Variants in PCDHA6 observed in about 807,000 individuals in gnomAD.
The protein encoded by PCDHA6 is protocadherin alpha 6, also known as protocadherin alpha-6.
Under a neutral mutation model 60.3 loss-of-function variants are expected in PCDHA6, and 55 were observed. That is an observed-to-expected ratio of 0.91 (90% CI 0.73 to 1.14). The LOEUF (loss-of-function observed/expected upper bound fraction) is 1.14. Among genes scored for constraint, PCDHA6 ranks in the 50% most tolerant of loss-of-function variants. The probability of loss-of-function intolerance (pLI) is 0.00; values close to 1 mark genes in which losing one functional copy is unlikely to be tolerated. For missense variants in PCDHA6, 1,327 were observed against 1,256.5 expected, an observed-to-expected ratio of 1.06 and a Z score of -0.85; for synonymous variants, 652 against 557.9, an observed-to-expected ratio of 1.17 and a Z score of -2.38.
chr5:140,876,829 C>T (rs782699472), intron 1 of PCDHA6: 2 of 1,614,196 alleles, frequency 1.2e-6, no homozygotes, highest in Non-Finnish European at 1.7e-6. Context: ...CGACAATGCG[C>T]CTGCGTTCGC....
chr5:140,836,893 G>A (rs992802936), intron 1 of PCDHA6: 5 of 624,992 alleles, frequency 8.0e-6, no homozygotes, highest in Admixed American at 3.5e-5. Flanking sequence ...TTATTTGGAA[G>A]TACGTTTAAT....
chr5:140,982,827 T>G (rs2097010165), intron 3 of PCDHA6, among the ~76,000 whole-genome samples: 1 of 140,992 alleles, frequency 7.1e-6, no homozygotes, highest in Non-Finnish European at 1.6e-5. Flanking sequence ...TTTTTGGGGT[T>G]TGTTTGTTTG....
chr5:140,857,032 T>C, intron 1 of PCDHA6: 2 of 1,595,838 alleles, frequency 1.3e-6, no homozygotes, highest in Non-Finnish European at 1.7e-6. Context: ...GAAACCCACC[T>C]ATGGTTGGTC....
intron 1 of PCDHA6, among the ~76,000 whole-genome samples, chr5:140,832,325 A>G (rs1771927305): frequency 6.6e-6 from 1 of 152,220 alleles, no homozygotes; most frequent in African/African-American, 2.4e-5. Context: ...AAGGGCCATT[A>G]GAGGACTGAG....
chr5:140,874,953 G>C (rs2055192015), intron 1 of PCDHA6, among the ~76,000 whole-genome samples: 1 of 152,212 alleles, frequency 6.6e-6, no homozygotes, highest in Admixed American at 6.5e-5. Flanking sequence ...GGAATTGTAA[G>C]CTATATAAGG....
At chr5:140,833,865 GA>G (rs1242582364) in intron 1 of PCDHA6, among the ~76,000 whole-genome samples, 1 of 152,098 alleles carries the variant, frequency 6.6e-6, no homozygotes, top group African/African-American at 2.4e-5. Flanking sequence ...ACTGAATCAA[GA>G]ATATGAAGTT....
In PCDHA6 at chr5:140,850,049, C is replaced by A. The variant is rs1354549642; in HGVS notation, c.2394+19564C>A. 3 of 1,596,466 alleles carry A rather than the reference C, an allele frequency of 1.9e-6. 1 individual carries two copies. The highest frequency in any genetic ancestry group is 1.3e-5 in the African/African-American group (1 of 74,464). ...TGCACGCGGAGAGCGGCAAGGTGTA[C>A]GCGCTGCAGCCGTTGGACCACGAGG... On this transcript the variant is annotated intron_variant, in intron 1 of 3. Coordinates refer to ENST00000529310, the MANE Select transcript of PCDHA6 (RefSeq NM_018909.4).
At chr5:141,007,015 A>G (rs1342063703) in intron 3 of PCDHA6, among the ~76,000 whole-genome samples, 1 of 152,210 alleles carries the variant, frequency 6.6e-6, no homozygotes, top group Non-Finnish European at 1.5e-5. Flanking sequence ...TCATCAGCTT[A>G]TTCATATGGT....
rs782379229 is a variant in PCDHA6, at chr5:140,927,578, A to G, written c.2395-51371A>G. ...ATCATTGTGGTGGACACAAATGACAACGCGCCTGTATTTGAGCGCTCCGTA... is the reference window on the plus strand; with the variant it reads ...ATCATTGTGGTGGACACAAATGACAGCGCGCCTGTATTTGAGCGCTCCGTA... On this transcript the variant is annotated intron_variant, in intron 1 of 3. Transcript: ENST00000529310. 1.5e-5 allele frequency: 24 copies of G among 1,614,024 alleles called. No homozygotes were observed. The highest frequency in any genetic ancestry group is 2.0e-5 in the Non-Finnish European group (24 of 1,180,026).
intron 1 of PCDHA6, chr5:140,882,107 A>C: frequency 7.3e-7 from 1 of 1,367,220 alleles, no homozygotes; most frequent in Non-Finnish European, 9.8e-7. Flanking sequence ...TTCCGCGAAG[A>C]AAGCCGCCGT....
chr5:140,966,731 G>T, intron 1 of PCDHA6: 8 of 1,405,136 alleles, frequency 5.7e-6, no homozygotes, highest in Non-Finnish European at 7.4e-6. Context: ...TGCCGCCTCC[G>T]GCCCTGCCCG....
chr5:140,850,804 T>C lies in PCDHA6; in HGVS notation c.2394+20319T>C, dbSNP rs2150498986. ...GAGGGTAAGCAGAAGACCGACCTCA[T>C]GGCCTTCAGCCCGGGCCTTTCTCCT... On this transcript the variant is annotated intron_variant, in intron 1 of 3. Transcript: ENST00000529310. The C allele has an allele frequency of 3.1e-6, 5 of 1,598,410 alleles. No homozygotes were observed. The East Asian group carries it at 1.1e-4, about 36-fold the overall frequency.
intron 1 of PCDHA6, among the ~76,000 whole-genome samples, chr5:140,955,906 G>T (rs1044355938): frequency 2.0e-5 from 3 of 152,040 alleles, no homozygotes; most frequent in East Asian, 3.9e-4. Flanking sequence ...TCTCTTTGTA[G>T]CAATTGTGAA....
chr5:140,857,788 G>GCTGC, intron 1 of PCDHA6: 1 of 1,597,732 alleles, frequency 6.3e-7, no homozygotes, highest in South Asian at 1.1e-5. Flanking sequence ...GTGAGCTGGT[G>GCTGC]CTGCGGTCGG....
chr5:140,869,346 T>C (rs781810947), intron 1 of PCDHA6: 4 of 1,614,054 alleles, frequency 2.5e-6, no homozygotes, highest in Non-Finnish European at 2.5e-6. Context: ...ATCTGCAGAA[T>C]GGCATTTTGT....
At chr5:140,975,068 C>G (rs1273763502) in intron 1 of PCDHA6, among the ~76,000 whole-genome samples, 2 of 152,134 alleles carry the variant, frequency 1.3e-5, no homozygotes, top group Non-Finnish European at 2.9e-5. Context: ...CGAGCTCATT[C>G]AGATTGTTGG....
intron 1 of PCDHA6, among the ~76,000 whole-genome samples, chr5:140,879,977 C>T (rs1285167233): frequency 6.6e-6 from 1 of 152,174 alleles, no homozygotes; most frequent in African/African-American, 2.4e-5. Flanking sequence ...AAACTCCTTT[C>T]AAGATCCTTA....
At chr5:140,993,460 T>A (rs1416332490) in intron 3 of PCDHA6, among the ~76,000 whole-genome samples, 1 of 104,506 alleles carries the variant, frequency 9.6e-6, no homozygotes, top group Non-Finnish European at 1.9e-5. Context: ...CTTCTTTCTT[T>A]CTCACACACA....
intron 1 of PCDHA6, chr5:140,856,261 G>C (rs782582964): frequency 6.3e-7 from 1 of 1,598,154 alleles, no homozygotes. Context: ...AAAGACACGG[G>C]GACCTTCTGG....
Sources: gnomAD v4.1 joint callset for allele counts (sites outside exome capture counted in the v4.1 genomes callset) on GRCh38, gnomAD v4.1.1 for gene constraint, MANE v1.5 for transcripts, NCBI Gene and HGNC (gene_info 2026-07-23, HGNC 2026-07-21) for gene names.